Variants in C20orf173 observed in about 807,000 individuals in gnomAD.
C20orf173 encodes the protein chromosome 20 open reading frame 173.
A neutral mutation model predicts 26.7 loss-of-function variants in C20orf173; 22 were observed. That is an observed-to-expected ratio of 0.82 (90% CI 0.59 to 1.18). C20orf173 has a LOEUF of 1.18. Among genes scored for constraint, C20orf173 ranks in the 50% most tolerant of loss-of-function variants. The pLI, the probability that C20orf173 is intolerant of heterozygous loss-of-function variation, is 0.00. For missense variants in C20orf173, 210 were observed against 250.3 expected (o/e 0.84, Z 1.09); for synonymous variants, 85 against 96.4 (o/e 0.88, Z 0.69).
At chr20:35,521,353 G>C (rs992265408), downstream of C20orf173, among the ~76,000 whole-genome samples, 5 of 152,114 alleles carry the variant, frequency 3.3e-5, no homozygotes, top group East Asian at 1.9e-4. Context: ...CCAGAAAAGA[G>C]AGCACCAACT....
downstream of C20orf173, among the ~76,000 whole-genome samples, chr20:35,525,685 G>A (rs1211825677): frequency 6.6e-6 from 1 of 152,216 alleles, no homozygotes; most frequent in African/African-American, 2.4e-5. Context: ...AGCCTGAGAG[G>A]GTTCTTGGCT....
chr20:35,528,571 G>GT (rs1484376107), intron 3 of C20orf173, 27 bp from the exon 4 acceptor site: 2 of 1,550,882 alleles, frequency 1.3e-6, no homozygotes, highest in East Asian at 4.9e-5. Context: ...ATTGTGTGTG[G>GT]TTTGGTTCCC....
intron 2 of C20orf173, 30 bp downstream of exon 2, chr20:35,529,035 A>T: frequency 6.5e-7 from 1 of 1,542,168 alleles, no homozygotes; most frequent in Non-Finnish European, 8.8e-7. Context: ...AGCATGGGGG[A>T]TATGGCCGGG....
chr20:35,528,931 G>A (rs1360250607), intron 2 of C20orf173, 52 bp from the exon 3 acceptor site: 8 of 1,548,020 alleles, frequency 5.2e-6, no homozygotes, highest in Non-Finnish European at 7.0e-6. Flanking sequence ...AGAGAAAACA[G>A]AGCTGGGTGG....
At chr20:35,522,653 A>G (rs1303213783), downstream of C20orf173, 1 of 152,526 alleles carries the variant, frequency 6.6e-6, no homozygotes, top group Non-Finnish European at 1.5e-5. Flanking sequence ...CTTCGTCTCC[A>G]CCTCCTACCC....
At chr20:35,523,757 G>A (rs537472819), downstream of C20orf173, among the ~76,000 whole-genome samples, 6 of 152,316 alleles carry the variant, frequency 3.9e-5, no homozygotes, top group East Asian at 1.2e-3. Context: ...CAGGGGACAG[G>A]AGGGCACAGA....
chr20:35,525,591 A>G (rs1164622067), downstream of C20orf173, among the ~76,000 whole-genome samples: 1 of 152,186 alleles, frequency 6.6e-6, no homozygotes, highest in African/African-American at 2.4e-5. Flanking sequence ...CAGAAGACAC[A>G]GGGGAGTATG....
At chr20:35,523,803 G>A (rs1336317493), downstream of C20orf173, among the ~76,000 whole-genome samples, 1 of 152,152 alleles carries the variant, frequency 6.6e-6, no homozygotes, top group African/African-American at 2.4e-5. Flanking sequence ...TGGGTGAGCA[G>A]GAGGCAAAGA....
downstream of C20orf173, among the ~76,000 whole-genome samples, chr20:35,525,945 C>T (rs1601346037): frequency 3.3e-5 from 5 of 152,320 alleles, no homozygotes; most frequent in South Asian, 1.0e-3. Context: ...CATGCTGGGT[C>T]TGAGCCACTG....
At chr20:35,524,257 G>C (rs2064490983), downstream of C20orf173, among the ~76,000 whole-genome samples, 1 of 151,986 alleles carries the variant, frequency 6.6e-6, no homozygotes, top group South Asian at 2.1e-4. Flanking sequence ...CTGAGCTCAA[G>C]TGATCTGCCT....
chr20:35,526,226 G>A (rs2064501467), downstream of C20orf173, among the ~76,000 whole-genome samples: 1 of 152,144 alleles, frequency 6.6e-6, no homozygotes, highest in African/African-American at 2.4e-5. Context: ...TCTCATTATG[G>A]CAGATTCTCT....
chr20:35,529,376 C>G lies in C20orf173; in HGVS notation c.-3G>C, dbSNP rs1383910842. 6 of 1,531,218 alleles carry G rather than the reference C, an allele frequency of 3.9e-6. No individual in the cohort carries two copies. Among genetic ancestry groups the G allele is most frequent in the Non-Finnish European group, 5.3e-6 (6 of 1,137,654 alleles). 94.9% of individuals were successfully genotyped at this position (1,531,218 alleles called of 1,614,324 possible). A position where few individuals can be genotyped will look rare whatever the true frequency, so the allele number is the denominator to read the frequency against. On this transcript the variant is annotated 5_prime_UTR_variant, in exon 2 of 6. Coordinates refer to ENST00000444723, the MANE Select transcript of C20orf173 (RefSeq NM_001145350.2). ...ACAAAAATCTGCCAGCGCTTCATGT[C>G]TGGCCCAGGCGGTGGCTCCCGTGGT...
chr20:35,523,008 C>T (rs2064483898), downstream of C20orf173: 1 of 152,436 alleles, frequency 6.6e-6, no homozygotes, highest in Non-Finnish European at 1.5e-5. Flanking sequence ...TGCGCACTGA[C>T]CAGCCACAAT....
At chr20:35,521,617 T>TA (rs997110838), downstream of C20orf173, among the ~76,000 whole-genome samples, 11 of 151,776 alleles carry the variant, frequency 7.2e-5, no homozygotes, top group Admixed American at 2.6e-4. Context: ...AGATTTTTTT[T>TA]TTTTTTTTGA....
intron 5 of C20orf173, among the ~76,000 whole-genome samples, chr20:35,527,916 G>C (rs2064514929): frequency 6.6e-6 from 1 of 152,198 alleles, no homozygotes; most frequent in African/African-American, 2.4e-5. Context: ...GCCTCCCAAA[G>C]TGTTGGGATA....
downstream of C20orf173, chr20:35,526,855 G>A (rs946088658): frequency 1.3e-5 from 2 of 152,166 alleles, no homozygotes; most frequent in African/African-American, 4.8e-5. Context: ...GCATGAAATT[G>A]AATCTAAACT....
downstream of C20orf173, among the ~76,000 whole-genome samples, chr20:35,524,994 C>T (rs189784827): frequency 5.3e-5 from 8 of 151,848 alleles, no homozygotes; most frequent in Non-Finnish European, 7.4e-5. Context: ...CCACTGTGCC[C>T]GGCCTTTTGT....
At chr20:35,524,840 A>G (rs776634151), downstream of C20orf173, among the ~76,000 whole-genome samples, 41 of 152,012 alleles carry the variant, frequency 2.7e-4, no homozygotes, top group Non-Finnish European at 4.1e-4. Flanking sequence ...CTGGGATTAC[A>G]GGCGTGCACC....
In C20orf173 at chr20:35,527,191, C is replaced by A. The variant is rs1273720436; in HGVS notation, c.*85G>T. On this transcript the variant is annotated 3_prime_UTR_variant, in exon 6 of 6. Transcript: ENST00000444723. The stretch of plus-strand genomic sequence containing the variant: ...CCTTGGAGCCCTTGGTCTGATTATC[C>A]TCCTTCCAGTGATAGAAACACTTTC... 1 of 152,216 alleles carries A rather than the reference C, an allele frequency of 6.6e-6. No individual in the cohort carries two copies. Among genetic ancestry groups the A allele is most frequent in the Non-Finnish European group, 1.5e-5 (1 of 68,050 alleles). 9.4% of individuals were successfully genotyped at this position (152,216 alleles called of 1,614,324 possible).
Sources: allele counts gnomAD v4.1 joint callset (sites outside exome capture counted in the v4.1 genomes callset), GRCh38; gene constraint gnomAD v4.1.1; transcripts MANE v1.5; gene names NCBI Gene and HGNC (gene_info 2026-07-23, HGNC 2026-07-21).